Variants in PLA2G4A observed in about 807,000 individuals in gnomAD.
PLA2G4A encodes cytosolic phospholipase A2.
In PLA2G4A, 40 loss-of-function variants were observed where a neutral mutation model predicts 81.9. That is an observed-to-expected ratio of 0.49 (90% CI 0.38 to 0.64). The LOEUF (loss-of-function observed/expected upper bound fraction) is 0.64. PLA2G4A is among the 30% of genes least tolerant of loss of function. PLA2G4A has a pLI of 0.00. For synonymous variants in PLA2G4A, 302 were observed against 296.9 expected (o/e 1.02, Z -0.18); for missense variants, 715 against 905.1 (o/e 0.79, Z 2.69).
At chr1:186,979,505 A>C (rs1372211143) in intron 17 of PLA2G4A, 33 bp downstream of exon 17, 1 of 1,367,280 alleles carries the variant, frequency 7.3e-7, no homozygotes, top group South Asian at 1.2e-5. Flanking sequence ...GACTATGTCA[A>C]ATGACTTCCA....
At chr1:186,944,678 C>A (rs1656274929) in intron 10 of PLA2G4A, among the ~76,000 whole-genome samples, 1 of 152,094 alleles carries the variant, frequency 6.6e-6, no homozygotes, top group Non-Finnish European at 1.5e-5. Context: ...TGTGACCTAC[C>A]ATTGAACAAA....
At chr1:186,965,233 C>G (rs963525331) in intron 14 of PLA2G4A, among the ~76,000 whole-genome samples, 176 bp from the exon 15 acceptor site, 2 of 152,140 alleles carry the variant, frequency 1.3e-5, no homozygotes, top group African/African-American at 4.8e-5. Flanking sequence ...GAAACTAAGA[C>G]TTAAAGGTAA....
chr1:186,892,749 C>T (rs918254134), intron 3 of PLA2G4A, among the ~76,000 whole-genome samples: 3 of 152,278 alleles, frequency 2.0e-5, no homozygotes, highest in Non-Finnish European at 4.4e-5. Flanking sequence ...TGAACCTGTC[C>T]TCTCTAGATA....
chr1:186,893,341 G>A (rs1190591507), intron 4 of PLA2G4A, among the ~76,000 whole-genome samples, 182 bp downstream of exon 4: 1 of 152,156 alleles, frequency 6.6e-6, no homozygotes, highest in Non-Finnish European at 1.5e-5. Context: ...AGGACATACA[G>A]GAGTTAGGTA....
intron 7 of PLA2G4A, among the ~76,000 whole-genome samples, chr1:186,930,418 A>T (rs1461160959): frequency 6.6e-6 from 1 of 152,168 alleles, no homozygotes; most frequent in Non-Finnish European, 1.5e-5. Flanking sequence ...AACATACCAT[A>T]AGCATCTTCA....
chr1:186,891,771 A>C (rs1281662288), intron 3 of PLA2G4A, among the ~76,000 whole-genome samples: 1 of 152,180 alleles, frequency 6.6e-6, no homozygotes, highest in African/African-American at 2.4e-5. Context: ...AGGAGTACAG[A>C]TATCTCTTCA....
At chr1:186,925,323 C>T (rs78930818) in intron 7 of PLA2G4A, among the ~76,000 whole-genome samples, 3,481 of 152,290 alleles carry the variant, frequency 0.023, 117 homozygotes, top group African/African-American at 0.079. Flanking sequence ...TACTTGTCTT[C>T]CCTCTTCCCA....
intron 14 of PLA2G4A, 151 bp from the exon 15 acceptor site, chr1:186,965,258 A>T: frequency 1.5e-6 from 1 of 646,270 alleles, no homozygotes; most frequent in Non-Finnish European, 2.7e-6. Flanking sequence ...TACAATTGCT[A>T]AAGTTGGTTT....
At chr1:186,924,491 C>G (rs1276949315) in intron 7 of PLA2G4A, among the ~76,000 whole-genome samples, 1 of 152,168 alleles carries the variant, frequency 6.6e-6, no homozygotes, top group East Asian at 1.9e-4. Context: ...GTGTTCTTTA[C>G]CAGCTCTTCT....
Position 186,977,651 on chromosome 1 carries a change from A to C in PLA2G4A, c.1823A>C (p.Asp608Ala), listed in dbSNP as rs771352999. Residue 608 changes from aspartate (D) to alanine (A), a missense_variant, in exon 16 of 18, where the codon GAT becomes GCT. Coordinates refer to ENST00000367466, the MANE Select transcript of PLA2G4A (RefSeq NM_024420.3). ...AACAAGCTCCCCTTTCCAAAGATTG[A>C]TCCTTATGTGTTTGATCGGGAAGGG... ...KMNKLPFPKI[D>A]PYVFDREGLK... The C allele has an allele frequency of 3.1e-6, 5 of 1,613,696 alleles. No homozygotes were observed. The highest frequency in any genetic ancestry group is 4.2e-6 in the Non-Finnish European group (5 of 1,179,630).
At chr1:186,894,320 G>T in intron 5 of PLA2G4A, 109 bp downstream of exon 5, 1 of 665,140 alleles carries the variant, frequency 1.5e-6, no homozygotes, top group Non-Finnish European at 2.7e-6. Flanking sequence ...TTCATAGAAT[G>T]TTTGCTTTTT....
intron 14 of PLA2G4A, among the ~76,000 whole-genome samples, chr1:186,962,174 G>C (rs1007945763): frequency 6.6e-6 from 1 of 151,860 alleles, no homozygotes; most frequent in African/African-American, 2.4e-5. Context: ...TGCTGACATA[G>C]TGTTATAATT....
chr1:186,929,091 C>T (rs536649770), intron 7 of PLA2G4A, among the ~76,000 whole-genome samples: 1 of 152,306 alleles, frequency 6.6e-6, no homozygotes, highest in African/African-American at 2.4e-5. Context: ...TGAAGTGATA[C>T]ATAATTTGAA....
intron 3 of PLA2G4A, among the ~76,000 whole-genome samples, chr1:186,871,652 A>G (rs1465686188): frequency 6.6e-6 from 1 of 152,146 alleles, no homozygotes; most frequent in Non-Finnish European, 1.5e-5. Flanking sequence ...TAGAGAATAG[A>G]TAACGGAGGT....
chr1:186,928,162 G>A (rs1194088573), intron 7 of PLA2G4A, among the ~76,000 whole-genome samples: 2 of 152,096 alleles, frequency 1.3e-5, no homozygotes, highest in African/African-American at 2.4e-5. Context: ...GGTCTAGAGA[G>A]CAGGTTAGAT....
At chr1:186,924,846 T>C (rs1655491230) in intron 7 of PLA2G4A, among the ~76,000 whole-genome samples, 1 of 152,126 alleles carries the variant, frequency 6.6e-6, no homozygotes, top group Admixed American at 6.5e-5. Context: ...GGTGGGAGGA[T>C]CAAGACTGGC....
chr1:186,849,919 G>A (rs1201404923), intron 1 of PLA2G4A, among the ~76,000 whole-genome samples: 1 of 152,090 alleles, frequency 6.6e-6, no homozygotes, highest in Non-Finnish European at 1.5e-5. Context: ...ATGAATAGAA[G>A]AGGTAAGTTA....
intron 10 of PLA2G4A, among the ~76,000 whole-genome samples, chr1:186,942,178 G>C (rs1656177321): frequency 6.6e-6 from 1 of 152,126 alleles, no homozygotes; most frequent in Non-Finnish European, 1.5e-5. Context: ...GGGCTATAAT[G>C]GGGTTCATAG....
chr1:186,956,704 G>A (rs1656767677), intron 14 of PLA2G4A, among the ~76,000 whole-genome samples: 1 of 151,994 alleles, frequency 6.6e-6, no homozygotes, highest in Admixed American at 6.6e-5. Context: ...TGTAGAGACA[G>A]GTTTTTGCCG....
Sources: allele counts gnomAD v4.1 joint callset (sites outside exome capture counted in the v4.1 genomes callset), GRCh38; gene constraint gnomAD v4.1.1; transcripts MANE v1.5; gene names NCBI Gene and HGNC (gene_info 2026-07-23, HGNC 2026-07-21).